The following TSEN2 variants were observed in gnomAD, a reference collection of about 807,000 sequenced individuals.
TSEN2 encodes tRNA-splicing endonuclease subunit Sen2.
In TSEN2, 54 loss-of-function variants were observed where a neutral mutation model predicts 59.2. That is an observed-to-expected ratio of 0.91 (90% CI 0.73 to 1.14). The LOEUF (loss-of-function observed/expected upper bound fraction) is 1.14. Among genes scored for constraint, TSEN2 ranks in the 50% most tolerant of loss-of-function variants. The probability of loss-of-function intolerance (pLI) is 0.00; values close to 1 mark genes in which losing one functional copy is unlikely to be tolerated. For synonymous variants in TSEN2, 195 were observed against 198.2 expected (o/e 0.98, Z 0.14); for missense variants, 636 against 576.2 (o/e 1.10, Z -1.06).
intron 4 of TSEN2, among the ~76,000 whole-genome samples, chr3:12,497,329 T>C (rs1190582285): frequency 6.6e-6 from 1 of 152,218 alleles, no homozygotes; most frequent in Non-Finnish European, 1.5e-5. Context: ...ATAAAACTTC[T>C]CAGGTCCCCA....
downstream of TSEN2, among the ~76,000 whole-genome samples, chr3:12,534,287 A>G (rs970450728): frequency 1.2e-4 from 18 of 152,196 alleles, no homozygotes; most frequent in Non-Finnish European, 2.4e-4. Context: ...ACGACCACCT[A>G]TGGATCCAAG....
chr3:12,482,714 A>G (rs1451147314), upstream of TSEN2, among the ~76,000 whole-genome samples: 1 of 152,070 alleles, frequency 6.6e-6, no homozygotes, highest in Admixed American at 6.5e-5. Flanking sequence ...CTGACAACTC[A>G]CAGTGCCACT....
intron 8 of TSEN2, among the ~76,000 whole-genome samples, chr3:12,528,071 G>A (rs916769652): frequency 6.6e-6 from 1 of 152,176 alleles, no homozygotes; most frequent in African/African-American, 2.4e-5. Flanking sequence ...TGAATGGCAT[G>A]TATGGTTATG....
intron 1 of TSEN2, among the ~76,000 whole-genome samples, chr3:12,486,558 G>A (rs1205845525): frequency 6.6e-6 from 1 of 152,176 alleles, no homozygotes; most frequent in Non-Finnish European, 1.5e-5. Flanking sequence ...GCTTTATTGA[G>A]ATACCATATA....
At position 12,532,643 on chromosome 3, in the gene TSEN2, T is replaced by C. The variant is rs2057537119; in HGVS notation, c.1339-19T>C. The C allele has an allele frequency of 1.2e-6, 2 of 1,613,470 alleles. No homozygotes were observed. The highest frequency in any genetic ancestry group is 1.7e-6 in the Non-Finnish European group (2 of 1,179,708). ...ACATTTCTGTTTTAAGAAATGGTCTTTTTTTTTATTGGTTGTAGGAGGTGA... is the reference window on the plus strand; with the variant it reads ...ACATTTCTGTTTTAAGAAATGGTCTCTTTTTTTATTGGTTGTAGGAGGTGA... On this transcript the variant is annotated intron_variant, in intron 11 of 11. Transcript: ENST00000284995.
intron 3 of TSEN2, among the ~76,000 whole-genome samples, chr3:12,493,424 A>G (rs299637): frequency 0.49 from 74,559 of 152,020 alleles, 19,161 homozygotes; most frequent in African/African-American, 0.61. Context: ...CCTTGCCAAC[A>G]CTTGTTTAAA....
intron 11 of TSEN2, among the ~76,000 whole-genome samples, chr3:12,532,011 G>C (rs963999423): frequency 6.6e-6 from 1 of 152,142 alleles, no homozygotes. Flanking sequence ...CTGCTTCTGG[G>C]CTTCTGTATT....
chr3:12,516,497 G>A, intron 6 of TSEN2, 114 bp from the exon 7 acceptor site: 1 of 669,638 alleles, frequency 1.5e-6, no homozygotes, highest in South Asian at 1.4e-5. Flanking sequence ...TGACCTTTTT[G>A]ATGATGACTT....
chr3:12,506,342 C>G (rs971429370), intron 6 of TSEN2, among the ~76,000 whole-genome samples: 1 of 151,886 alleles, frequency 6.6e-6, no homozygotes, highest in African/African-American at 2.4e-5. Context: ...CACCTGTAAT[C>G]CCAGCACTCT....
At chr3:12,518,068 A>G (rs1172462436) in intron 7 of TSEN2, among the ~76,000 whole-genome samples, 1 of 152,252 alleles carries the variant, frequency 6.6e-6, no homozygotes. Context: ...AAATAAAGCA[A>G]AAATTTTCCA....
At chr3:12,515,839 A>G (rs1175485896) in intron 6 of TSEN2, among the ~76,000 whole-genome samples, 4 of 152,124 alleles carry the variant, frequency 2.6e-5, no homozygotes, top group Admixed American at 1.3e-4. Context: ...TTGTCAGGTA[A>G]GCAAAATCAG....
upstream of TSEN2, among the ~76,000 whole-genome samples, chr3:12,480,679 T>C (rs947720135): frequency 6.6e-6 from 1 of 151,940 alleles, no homozygotes; most frequent in African/African-American, 2.4e-5. Flanking sequence ...TACAGGCGCA[T>C]CACCATGCCC....
chr3:12,512,623 A>G (rs2055594888), intron 6 of TSEN2, among the ~76,000 whole-genome samples: 1 of 152,280 alleles, frequency 6.6e-6, no homozygotes, highest in Non-Finnish European at 1.5e-5. Flanking sequence ...AGATCACATT[A>G]GTAGAATACA....
chr3:12,513,513 T>G (rs2055721685), intron 6 of TSEN2, among the ~76,000 whole-genome samples: 1 of 152,208 alleles, frequency 6.6e-6, no homozygotes, highest in Non-Finnish European at 1.5e-5. Context: ...ATTAAATATT[T>G]AGCTAAGAAA....
rs756105192 is a variant in TSEN2 at position 12,503,626 on chromosome 3, C to T, written c.673C>T (p.Gln225Ter). 3.8e-6 allele frequency: 6 copies of T among 1,595,378 alleles called. No homozygotes were observed. The highest frequency in any genetic ancestry group is 5.1e-6 in the Non-Finnish European group (6 of 1,170,064). The part of the protein sequence containing the change: ...SPLPHVCCCK[Q>*]DALILQRGLH... ...TCTGCCCCATGTCTGTTGCTGCAAA[C>T]AAGATGCTCTCATCCTCCAGCGTGG... The change falls in exon 5 of 12, where the codon CAA (glutamine) becomes TAA (stop). Residue 225 changes from glutamine (Q) to a stop codon, truncating the protein, a stop_gained. Transcript: ENST00000284995. LOFTEE classifies it high-confidence loss of function.
intron 4 of TSEN2, among the ~76,000 whole-genome samples, chr3:12,499,850 G>A (rs988192482): frequency 2.0e-5 from 3 of 152,172 alleles, no homozygotes; most frequent in Non-Finnish European, 4.4e-5. Context: ...TCCTTGCTCA[G>A]GGTCAGTATG....
exon 11 of TSEN2, chr3:12,539,365 C>G (rs1230811537): frequency 6.4e-6 from 2 of 311,008 alleles, no homozygotes; most frequent in Non-Finnish European, 6.2e-6. Flanking sequence ...AACTCCTGAC[C>G]TCAAGTGATC....
chr3:12,539,137 C>CTT (rs577901176), intron 10 of TSEN2: 41 of 370,510 alleles, frequency 1.1e-4, no homozygotes, highest in East Asian at 6.6e-4. Flanking sequence ...GTGCTTTTTT[C>CTT]TTTTTTTTTT....
intron 2 of TSEN2, among the ~76,000 whole-genome samples, chr3:12,490,197 C>A (rs1188500874): frequency 6.6e-6 from 1 of 152,152 alleles, no homozygotes; most frequent in Non-Finnish European, 1.5e-5. Flanking sequence ...ATGGAGCACC[C>A]CTGCCCACAA....
Sources: allele counts gnomAD v4.1 joint callset (sites outside exome capture counted in the v4.1 genomes callset), GRCh38; gene constraint gnomAD v4.1.1; transcripts MANE v1.5; gene names NCBI Gene and HGNC (gene_info 2026-07-23, HGNC 2026-07-21).